FMNL2: variants seen among roughly 807,000 people sequenced by gnomAD.
The protein encoded by FMNL2 is formin-like protein 2.
In FMNL2, 51 loss-of-function variants were observed where a neutral mutation model predicts 130.2. The observed-to-expected ratio is 0.39, with a 90% CI of 0.31 to 0.49. The LOEUF is 0.49. FMNL2 is among the 20% of genes least tolerant of loss of function. FMNL2 has a pLI of 0.85. For synonymous variants in FMNL2, 465 were observed against 467.1 expected (o/e 1.00, Z 0.06); for missense variants, 977 against 1,316.2 (o/e 0.74, Z 3.99).
intron 7 of FMNL2, among the ~76,000 whole-genome samples, chr2:152,578,270 T>A (rs955805379): frequency 2.0e-5 from 3 of 152,118 alleles, no homozygotes; most frequent in African/African-American, 7.2e-5. Context: ...GTGTGAGGGG[T>A]ACTGATCCCT....
chr2:152,628,677 C>A, intron 18 of FMNL2, 144 bp downstream of exon 18: 1 of 677,502 alleles, frequency 1.5e-6, no homozygotes, highest in Non-Finnish European at 2.5e-6. Flanking sequence ...TTTATTTCAA[C>A]CATCTTTTCC....
At chr2:152,477,275 T>TC (rs1175320415) in intron 1 of FMNL2, among the ~76,000 whole-genome samples, 1 of 152,230 alleles carries the variant, frequency 6.6e-6, no homozygotes, top group African/African-American at 2.4e-5. Flanking sequence ...ACGAGCTTAC[T>TC]CATCATTAGC....
At chr2:152,638,568 T>C (rs2105959573) in intron 23 of FMNL2, among the ~76,000 whole-genome samples, 1 of 152,312 alleles carries the variant, frequency 6.6e-6, no homozygotes, top group Admixed American at 6.5e-5. Flanking sequence ...AAAGTCAAAA[T>C]ATTCTTAGCC....
chr2:152,560,826 T>G, intron 5 of FMNL2, 57 bp from the exon 6 acceptor site: 5 of 1,519,600 alleles, frequency 3.3e-6, no homozygotes, highest in Non-Finnish European at 4.5e-6. Flanking sequence ...TACATGTTCG[T>G]TTATACATGT....
At chr2:152,374,766 G>A (rs547653483) in intron 1 of FMNL2, among the ~76,000 whole-genome samples, 8 of 152,230 alleles carry the variant, frequency 5.3e-5, no homozygotes, top group South Asian at 2.1e-4. Context: ...CTAGATCATC[G>A]TCTAATGGGC....
chr2:152,648,092 A>AC lies in FMNL2; in HGVS notation c.*187_*188insC. 1 of 572,476 alleles carries AC rather than the reference A, an allele frequency of 1.7e-6. No homozygotes were observed. The highest frequency in any genetic ancestry group is 2.3e-5 in the South Asian group (1 of 44,204). 35.5% of individuals were successfully genotyped at this position (572,476 alleles called of 1,614,324 possible). A position where few individuals can be genotyped will look rare whatever the true frequency, so the allele number is the denominator to read the frequency against. On this transcript the variant is annotated 3_prime_UTR_variant, in exon 26 of 26. Coordinates refer to ENST00000288670, the MANE Select transcript of FMNL2 (RefSeq NM_052905.4). ...AACCCTTGTTAACAAGTGCCTAAAA[A>AC]TGGAAGTACCTGTTCAGATTAATCA...
chr2:152,630,267 T>A (rs1163017082), intron 20 of FMNL2, among the ~76,000 whole-genome samples: 2 of 152,092 alleles, frequency 1.3e-5, no homozygotes, highest in Non-Finnish European at 2.9e-5. Context: ...TGATGAAGAG[T>A]GTCCCAAGAA....
intron 11 of FMNL2, among the ~76,000 whole-genome samples, chr2:152,614,523 T>A (rs1361277536): frequency 6.6e-6 from 1 of 152,234 alleles, no homozygotes; most frequent in Non-Finnish European, 1.5e-5. Flanking sequence ...GCCGGGTGGA[T>A]CACGAGGTCA....
intron 1 of FMNL2, among the ~76,000 whole-genome samples, chr2:152,453,583 A>G (rs1688775892): frequency 6.6e-6 from 1 of 152,200 alleles, no homozygotes; most frequent in South Asian, 2.1e-4. Context: ...GGGAGAAACA[A>G]AAGGAGTTCA....
chr2:152,392,112 GT>G (rs1233047675), intron 1 of FMNL2, among the ~76,000 whole-genome samples: 11 of 151,888 alleles, frequency 7.2e-5, no homozygotes, highest in Non-Finnish European at 1.3e-4. Flanking sequence ...ACCCAACATG[GT>G]AGCTATTTGC....
chr2:152,417,373 A>G (rs1201176353), intron 1 of FMNL2, among the ~76,000 whole-genome samples: 3 of 152,188 alleles, frequency 2.0e-5, no homozygotes, highest in Non-Finnish European at 2.9e-5. Flanking sequence ...CGATGTGGAG[A>G]GAAAATTCCT....
At chr2:152,417,014 G>C (rs1686655327) in intron 1 of FMNL2, among the ~76,000 whole-genome samples, 1 of 152,196 alleles carries the variant, frequency 6.6e-6, no homozygotes, top group Admixed American at 6.5e-5. Flanking sequence ...TGTAGATCTG[G>C]ATAGTCAAAC....
At chr2:152,628,554 AG>A in intron 18 of FMNL2, 21 bp downstream of exon 18, 4 of 1,594,576 alleles carry the variant, frequency 2.5e-6, no homozygotes, top group Non-Finnish European at 3.4e-6. Context: ...TGACTCTGGC[AG>A]GGGAGGGGGT....
intron 1 of FMNL2, among the ~76,000 whole-genome samples, chr2:152,435,121 AT>A (rs957250751): frequency 1.3e-5 from 2 of 152,092 alleles, no homozygotes; most frequent in South Asian, 2.1e-4. Context: ...TATGGCCTAA[AT>A]TTTTTGACTC....
At chr2:152,384,620 G>A (rs1684681512) in intron 1 of FMNL2, among the ~76,000 whole-genome samples, 1 of 152,148 alleles carries the variant, frequency 6.6e-6, no homozygotes, top group African/African-American at 2.4e-5. Flanking sequence ...CATCGTGCTT[G>A]AAAGGTGGAC....
At position 152,335,919 on chromosome 2, in the gene FMNL2, C is replaced by T. The variant is rs185128986; in HGVS notation, c.117+199C>T. Among the ~76,000 whole-genome samples, 391 of 151,774 alleles carry T rather than the reference C, an allele frequency of 2.6e-3. 1 individual carries two copies. The highest frequency in any genetic ancestry group is 4.2e-3 in the Non-Finnish European group (287 of 67,854). The stretch of plus-strand genomic sequence containing the variant: ...TCCCCCGCGCTCAGTCTCTCGGGGT[C>T]CCGGGATGGGGATGGGGGCTCAGGG... On this transcript the variant is annotated intron_variant, in intron 1 of 25. Coordinates refer to ENST00000288670, the MANE Select transcript of FMNL2 (RefSeq NM_052905.4).
intron 1 of FMNL2, among the ~76,000 whole-genome samples, chr2:152,427,060 A>G (rs1687236441): frequency 6.6e-6 from 1 of 152,134 alleles, no homozygotes; most frequent in Non-Finnish European, 1.5e-5. Flanking sequence ...CTCGTAGGAG[A>G]GGATTGTATC....
intron 2 of FMNL2, among the ~76,000 whole-genome samples, chr2:152,534,215 A>G (rs1693862098): frequency 6.6e-6 from 1 of 152,196 alleles, no homozygotes; most frequent in South Asian, 2.1e-4. Context: ...CTTTGCATGT[A>G]TCAGACCCTT....
At chr2:152,414,186 C>CAG (rs1473539058) in intron 1 of FMNL2, among the ~76,000 whole-genome samples, 3 of 152,122 alleles carry the variant, frequency 2.0e-5, no homozygotes, top group Non-Finnish European at 4.4e-5. Flanking sequence ...GCTAACTACA[C>CAG]AGTATTTTAC....
Sources: gnomAD v4.1 joint callset for allele counts (sites outside exome capture counted in the v4.1 genomes callset) on GRCh38, gnomAD v4.1.1 for gene constraint, MANE v1.5 for transcripts, NCBI Gene and HGNC (gene_info 2026-07-23, HGNC 2026-07-21) for gene names.